USH2A: variants seen among roughly 807,000 people sequenced by gnomAD.
USH2A encodes usherin.
A neutral mutation model predicts 538.9 loss-of-function variants in USH2A; 443 were observed. That is an observed-to-expected ratio of 0.82 (90% CI 0.76 to 0.89). The LOEUF is 0.89. Among genes scored for constraint, USH2A ranks in the 40% least tolerant of loss-of-function variants. The probability of loss-of-function intolerance (pLI) is 0.00; values close to 1 mark genes in which losing one functional copy is unlikely to be tolerated. For synonymous variants in USH2A, 2,413 were observed against 2,273.5 expected (o/e 1.06, Z -1.75); for missense variants, 6,633 against 6,324.8 (o/e 1.05, Z -1.65).
intron 23 of USH2A, among the ~76,000 whole-genome samples, chr1:216,087,783 G>A: frequency 6.6e-6 from 1 of 152,000 alleles, no homozygotes; most frequent in East Asian, 1.9e-4. Context: ...TATCACCCTG[G>A]TTCAGGTCTC....
chr1:215,625,873 G>GA lies in USH2A; in HGVS notation c.15520-4dup, dbSNP rs1456785856. On this transcript the variant is annotated splice_region_variant and splice_polypyrimidine_tract_variant and intron_variant, in intron 71 of 71. Coordinates refer to ENST00000307340, the MANE Select transcript of USH2A (RefSeq NM_206933.4). ...ATCAGGTCCTCTTCATCCACATACT[G>GA]AAAAATAAGCCAATCATCATTGGCT... 7 of 1,613,738 alleles carry GA rather than the reference G, an allele frequency of 4.3e-6. No homozygotes were observed.
chr1:215,963,931 C>A (rs556776195), intron 37 of USH2A, among the ~76,000 whole-genome samples: 1 of 152,076 alleles, frequency 6.6e-6, no homozygotes, highest in Non-Finnish European at 1.5e-5. Context: ...GTGGAAAGAA[C>A]TGAAGGAAAA....
At chr1:216,036,361 A>T (rs951143679) in intron 32 of USH2A, among the ~76,000 whole-genome samples, 19 of 151,952 alleles carry the variant, frequency 1.3e-4, no homozygotes, top group African/African-American at 4.1e-4. Context: ...GCAATACCAG[A>T]CTCCCATTAT....
chr1:215,952,407 T>C (rs1666944507), intron 37 of USH2A, among the ~76,000 whole-genome samples: 1 of 152,190 alleles, frequency 6.6e-6, no homozygotes, highest in South Asian at 2.1e-4. Flanking sequence ...TATGTGTGAA[T>C]GTGATCCTGT....
rs148534150 is a variant in USH2A, at chr1:215,902,324, G to C, written c.7301-1419C>G. On this transcript the variant is annotated intron_variant, in intron 38 of 71. Coordinates refer to ENST00000307340, the MANE Select transcript of USH2A (RefSeq NM_206933.4). ...ACAATGAGGCTAATGAATGACCAGT[G>C]ATGAGAACAGAAGAATTAGATTACA... 1.3e-3 allele frequency among the ~76,000 whole-genome samples: 200 copies of C among 152,268 alleles called. 2 individuals are homozygous for C. Among genetic ancestry groups the C allele is most frequent in the African/African-American group, 4.4e-3 (183 of 41,556 alleles).
intron 3 of USH2A, among the ~76,000 whole-genome samples, chr1:216,382,390 A>G (rs950565516): frequency 1.3e-5 from 2 of 152,234 alleles, no homozygotes; most frequent in African/African-American, 4.8e-5. Context: ...TTGTAGCAAC[A>G]TAAGAAAGAT....
chr1:215,872,154 G>C (rs1193335116), intron 43 of USH2A, among the ~76,000 whole-genome samples: 1 of 152,134 alleles, frequency 6.6e-6, no homozygotes, highest in Non-Finnish European at 1.5e-5. Context: ...CACAAGTGTG[G>C]ATTTGAGAAA....
At chr1:215,809,001 T>C (rs1307839986) in intron 49 of USH2A, among the ~76,000 whole-genome samples, 1 of 152,104 alleles carries the variant, frequency 6.6e-6, no homozygotes, top group Non-Finnish European at 1.5e-5. Flanking sequence ...TCAATTATCT[T>C]TGAAAGGATC....
Position 215,625,424 on chromosome 1 carries a change from A to AACTT in USH2A, c.*353_*356dup. The AACTT allele has an allele frequency of 3.1e-6, 1 of 323,990 alleles. No homozygotes were observed. The highest frequency in any genetic ancestry group is 5.9e-6 in the Non-Finnish European group (1 of 169,280). 20.1% of individuals were successfully genotyped at this position (323,990 alleles called of 1,614,324 possible). A position where few individuals can be genotyped will look rare whatever the true frequency, so the allele number is the denominator to read the frequency against. Reference sequence around the variant, plus strand: ...CAGAATCATTTTTGAGCCAGTAACTAACTTACTACTTCTAACAACTGTGAG... The same window carrying AACTT: ...CAGAATCATTTTTGAGCCAGTAACTAACTTACTTACTACTTCTAACAACTGTGAG... On this transcript the variant is annotated 3_prime_UTR_variant, in exon 72 of 72. Coordinates refer to ENST00000307340, the MANE Select transcript of USH2A (RefSeq NM_206933.4).
intron 58 of USH2A, among the ~76,000 whole-genome samples, chr1:215,747,846 T>G (rs1660515514): frequency 6.6e-6 from 1 of 152,036 alleles, no homozygotes; most frequent in Non-Finnish European, 1.5e-5. Flanking sequence ...GGCTGTTGTT[T>G]GAAGCCACAG....
intron 47 of USH2A, among the ~76,000 whole-genome samples, chr1:215,836,745 A>G (rs1663544161): frequency 6.8e-6 from 1 of 146,904 alleles, no homozygotes; most frequent in Admixed American, 7.0e-5. Context: ...TTTAGTAGAG[A>G]CAGGGTTTCA....
At chr1:215,897,004 T>G (rs1349591850) in intron 40 of USH2A, among the ~76,000 whole-genome samples, 1 of 152,124 alleles carries the variant, frequency 6.6e-6, no homozygotes, top group Non-Finnish European at 1.5e-5. Flanking sequence ...GCACACTAGA[T>G]TTTTAAAAAT....
chr1:215,691,004 C>A (rs1331608244), intron 61 of USH2A, among the ~76,000 whole-genome samples: 2 of 152,132 alleles, frequency 1.3e-5, no homozygotes. Flanking sequence ...CTGCCTCATC[C>A]TCCTGAGTAG....
intron 4 of USH2A, among the ~76,000 whole-genome samples, chr1:216,351,373 G>A (rs2038284674): frequency 6.6e-6 from 1 of 152,176 alleles, no homozygotes; most frequent in Admixed American, 6.6e-5. Flanking sequence ...AAGGGAGTCA[G>A]CCTGATGGAT....
chr1:216,172,914 C>T (rs1182970371), intron 21 of USH2A, among the ~76,000 whole-genome samples: 1 of 152,156 alleles, frequency 6.6e-6, no homozygotes, highest in Non-Finnish European at 1.5e-5. Flanking sequence ...AAGTTCCTTT[C>T]CACCCTGTAG....
In USH2A at chr1:215,993,068, A is replaced by C; in HGVS notation, c.6757T>G (p.Ser2253Ala). 1 of 1,614,120 alleles carries C rather than the reference A, an allele frequency of 6.2e-7. No individual in the cohort carries two copies. The highest frequency in any genetic ancestry group is 8.5e-7 in the Non-Finnish European group (1 of 1,179,978). ...GVPAPKAHSY[S>A]PDSFNVSWTE... ...CAGGAGACATTAAAGGAGTCAGGTG[A>C]ATATGAGTGGGCTTTGGGGGCTGGC... Residue 2253 changes from serine (S) to alanine (A), a missense_variant, in exon 35 of 72, where the codon TCA becomes GCA. Coordinates refer to ENST00000307340, the MANE Select transcript of USH2A (RefSeq NM_206933.4).
At chr1:216,091,989 C>T (rs1050285110) in intron 22 of USH2A, among the ~76,000 whole-genome samples, 7 of 151,984 alleles carry the variant, frequency 4.6e-5, no homozygotes, top group African/African-American at 1.4e-4. Context: ...GCCAGGAGTT[C>T]GGGACCAACC....
rs1655978323 is a variant in USH2A, at chr1:215,625,356, C to A, written c.*425G>T. On this transcript the variant is annotated 3_prime_UTR_variant, in exon 72 of 72. Coordinates refer to ENST00000307340, the MANE Select transcript of USH2A (RefSeq NM_206933.4). ...TCTTGCAGGATTGTGTCAACCCTGA[C>A]AGAAATGGCAGATAGAAATGAACAG... The A allele has an allele frequency of 4.1e-6, 1 of 242,278 alleles. No individual in the cohort carries two copies. Among genetic ancestry groups the A allele is most frequent in the Non-Finnish European group, 8.2e-6 (1 of 122,556 alleles). The allele number at this position is 242,278 out of a possible 1,614,324, so 15.0% of individuals were successfully genotyped here. A position where few individuals can be genotyped will look rare whatever the true frequency, so the allele number is the denominator to read the frequency against.
chr1:215,944,612 C>T (rs1445587973), intron 37 of USH2A, among the ~76,000 whole-genome samples: 2 of 152,130 alleles, frequency 1.3e-5, no homozygotes, highest in East Asian at 3.9e-4. Flanking sequence ...AGACAGTCCC[C>T]TAATTCCACA....
Sources: gnomAD v4.1 joint callset for allele counts (sites outside exome capture counted in the v4.1 genomes callset) on GRCh38, gnomAD v4.1.1 for gene constraint, MANE v1.5 for transcripts, NCBI Gene and HGNC (gene_info 2026-07-23, HGNC 2026-07-21) for gene names.